Variants in ACVR2A observed in about 807,000 individuals in gnomAD.
ACVR2A encodes the protein activin receptor type-2A.
ACVR2A carries 7 observed loss-of-function variants against 61.4 expected under a neutral mutation model. The ratio of observed to expected loss-of-function variants is 0.11; its 90% CI spans 0.06 to 0.21. The LOEUF (loss-of-function observed/expected upper bound fraction) is 0.21. ACVR2A is among the 10% of genes least tolerant of loss of function. The pLI is 1.00. For missense variants in ACVR2A, 322 were observed against 621.7 expected, an observed-to-expected ratio of 0.52 and a Z score of 5.13; for synonymous variants, 193 against 208.3, an observed-to-expected ratio of 0.93 and a Z score of 0.63.
At chr2:147,874,541 A>C (rs1686106741) in intron 1 of ACVR2A, among the ~76,000 whole-genome samples, 1 of 151,976 alleles carries the variant, frequency 6.6e-6, no homozygotes, top group South Asian at 2.1e-4. Flanking sequence ...GACCTCCGGC[A>C]TTAGAATCAC....
chr2:147,883,383 G>A (rs887401397), intron 1 of ACVR2A, among the ~76,000 whole-genome samples: 4 of 152,106 alleles, frequency 2.6e-5, no homozygotes, highest in East Asian at 1.9e-4. Context: ...TAGAGACAGC[G>A]TTTTGCCATG....
chr2:147,891,375 C>G (rs1316099545), intron 1 of ACVR2A, among the ~76,000 whole-genome samples: 1 of 152,044 alleles, frequency 6.6e-6, no homozygotes, highest in Non-Finnish European at 1.5e-5. Context: ...AGCCCCCTTT[C>G]CCAACAAAAT....
At chr2:147,898,884 A>G (rs1281610689) in intron 2 of ACVR2A, among the ~76,000 whole-genome samples, 1 of 152,064 alleles carries the variant, frequency 6.6e-6, no homozygotes, top group East Asian at 1.9e-4. Flanking sequence ...CATTCAGGGA[A>G]TTTAAATCTA....
chr2:147,857,968 C>T (rs889159647), intron 1 of ACVR2A, among the ~76,000 whole-genome samples: 1 of 151,898 alleles, frequency 6.6e-6, no homozygotes, highest in Non-Finnish European at 1.5e-5. Context: ...TTTCCTGATC[C>T]TCTCCCTCCT....
chr2:147,904,807 C>A (rs568071636), intron 4 of ACVR2A, among the ~76,000 whole-genome samples: 17 of 152,020 alleles, frequency 1.1e-4, no homozygotes, highest in African/African-American at 3.9e-4. Flanking sequence ...CAGTTTTCAG[C>A]CAAGTTAATT....
intron 1 of ACVR2A, among the ~76,000 whole-genome samples, chr2:147,850,736 TAAGAA>T (rs1685424510): frequency 6.6e-6 from 1 of 152,122 alleles, no homozygotes; most frequent in Non-Finnish European, 1.5e-5. Context: ...ATCAAGAAGG[TAAGAA>T]AACTACTGTA....
intron 1 of ACVR2A, among the ~76,000 whole-genome samples, chr2:147,854,442 CT>C (rs2105135829): frequency 6.6e-6 from 1 of 152,276 alleles, no homozygotes; most frequent in African/African-American, 2.4e-5. Flanking sequence ...GTACCAGCTA[CT>C]TTAAGCTTTG....
intron 2 of ACVR2A, among the ~76,000 whole-genome samples, chr2:147,897,688 A>G (rs560380036): frequency 2.6e-5 from 4 of 152,220 alleles, no homozygotes; most frequent in Non-Finnish European, 5.9e-5. Flanking sequence ...AGCAAAATGC[A>G]TTGAATAGGC....
chr2:147,918,168 TAA>T (rs375180102), intron 6 of ACVR2A, among the ~76,000 whole-genome samples: 8 of 136,482 alleles, frequency 5.9e-5, no homozygotes, highest in East Asian at 4.2e-4. Flanking sequence ...AACTAGTCTT[TAA>T]AAAAAAAAAA....
intron 1 of ACVR2A, among the ~76,000 whole-genome samples, chr2:147,856,806 A>T (rs1685592160): frequency 6.6e-6 from 1 of 152,220 alleles, no homozygotes; most frequent in South Asian, 2.1e-4. Flanking sequence ...GCCACTGACC[A>T]TCTTTTTAAT....
At chr2:147,926,434 A>G (rs1388223552) in intron 10 of ACVR2A, among the ~76,000 whole-genome samples, 1 of 151,954 alleles carries the variant, frequency 6.6e-6, no homozygotes, top group Non-Finnish European at 1.5e-5. Flanking sequence ...GGGAAAAGGC[A>G]TGCCAGACTC....
At chr2:147,856,236 AGTT>A (rs1423006418) in intron 1 of ACVR2A, among the ~76,000 whole-genome samples, 1 of 152,178 alleles carries the variant, frequency 6.6e-6, no homozygotes, top group Non-Finnish European at 1.5e-5. Context: ...TTATGGCAGA[AGTT>A]CAGCTGTAGC....
chr2:147,849,021 C>CA, intron 1 of ACVR2A, among the ~76,000 whole-genome samples: 1 of 151,990 alleles, frequency 6.6e-6, no homozygotes, highest in East Asian at 1.9e-4. Context: ...ATTAGAGAAA[C>CA]AGACTATAGA....
At chr2:147,860,442 A>C (rs1176491559) in intron 1 of ACVR2A, among the ~76,000 whole-genome samples, 1 of 152,098 alleles carries the variant, frequency 6.6e-6, no homozygotes, top group Non-Finnish European at 1.5e-5. Flanking sequence ...TTGATACGCT[A>C]ATTGAAAATA....
chr2:147,923,984 A>G (rs1044609743), intron 9 of ACVR2A, among the ~76,000 whole-genome samples: 3 of 152,102 alleles, frequency 2.0e-5, no homozygotes, highest in African/African-American at 2.4e-5. Context: ...GGAATATGAA[A>G]TTCAATATAG....
At chr2:147,912,950 C>G (rs1687152976) in intron 4 of ACVR2A, among the ~76,000 whole-genome samples, 2 of 151,756 alleles carry the variant, frequency 1.3e-5, no homozygotes, top group African/African-American at 2.4e-5. Flanking sequence ...CTGGCTGTTA[C>G]TATACAATAT....
intron 2 of ACVR2A, 182 bp downstream of exon 2, chr2:147,896,690 G>A (rs910212550): frequency 7.0e-6 from 4 of 568,528 alleles, no homozygotes; most frequent in East Asian, 2.9e-5. Flanking sequence ...AATAAACATG[G>A]CATATATATG....
At chr2:147,903,129 T>C (rs890432454) in intron 4 of ACVR2A, among the ~76,000 whole-genome samples, 1 of 151,906 alleles carries the variant, frequency 6.6e-6, no homozygotes, top group Non-Finnish European at 1.5e-5. Context: ...GAAGAAGTGA[T>C]GTAGGGGTAT....
chr2:147,863,177 GT>G lies in ACVR2A; in HGVS notation c.55+17976del, dbSNP rs1378838378. On this transcript the variant is annotated intron_variant, in intron 1 of 10. Transcript: ENST00000241416. ...GTTACCAATTCCAGGACTGTGTGATGTTTTTTGAACCTGTTCTGCCAAGGTT... is the reference window on the plus strand; with the variant it reads ...GTTACCAATTCCAGGACTGTGTGATGTTTTTGAACCTGTTCTGCCAAGGTT... 2.6e-5 allele frequency among the ~76,000 whole-genome samples: 4 copies of G among 152,310 alleles called. No individual in the cohort carries two copies. In the East Asian group the frequency reaches 7.7e-4, roughly 29 times the overall value.
Sources: gnomAD v4.1 joint callset for allele counts (sites outside exome capture counted in the v4.1 genomes callset) on GRCh38, gnomAD v4.1.1 for gene constraint, MANE v1.5 for transcripts, NCBI Gene and HGNC (gene_info 2026-07-23, HGNC 2026-07-21) for gene names.